The following KIAA1671 variants were observed in gnomAD, a reference collection of about 807,000 sequenced individuals.
KIAA1671 encodes the protein uncharacterized protein KIAA1671.
KIAA1671 carries 52 observed loss-of-function variants against 131.2 expected under a neutral mutation model. The observed-to-expected ratio is 0.40, with a 90% CI of 0.32 to 0.50. The LOEUF is 0.50. Among genes scored for constraint, KIAA1671 ranks in the 20% least tolerant of loss-of-function variants. The pLI is 0.73. For missense variants in KIAA1671, 2,360 were observed against 2,364.2 expected (o/e 1.00, Z 0.04); for synonymous variants, 1,003 against 961.6 (o/e 1.04, Z -0.80).
At chr22:24,992,329 G>A (rs566590194) in intron 1 of KIAA1671, among the ~76,000 whole-genome samples, 3 of 152,240 alleles carry the variant, frequency 2.0e-5, no homozygotes, top group East Asian at 1.9e-4. Flanking sequence ...GGGGGACAGG[G>A]TCTCAGATGG....
chr22:25,124,443 T>G (rs1341973397), intron 6 of KIAA1671, among the ~76,000 whole-genome samples: 6 of 152,246 alleles, frequency 3.9e-5, no homozygotes, highest in African/African-American at 1.4e-4. Context: ...TATCTTCTGC[T>G]GTTCTTTCTT....
At chr22:25,031,885 A>G (rs1926314126) in intron 3 of KIAA1671, among the ~76,000 whole-genome samples, 1 of 152,172 alleles carries the variant, frequency 6.6e-6, no homozygotes, top group African/African-American at 2.4e-5. Context: ...GTTGCTGAGT[A>G]TGGGTTAAGT....
Position 25,194,347 on chromosome 22 carries a change from A to G in KIAA1671, c.*1946A>G, listed in dbSNP as rs985638563. 3 of 152,276 alleles carry G rather than the reference A, an allele frequency of 2.0e-5. No homozygotes were observed. The highest frequency in any genetic ancestry group is 6.5e-5 in the Admixed American group (1 of 15,274). The allele number at this position is 152,276 out of a possible 1,614,324, so 9.4% of individuals were successfully genotyped here. A position where few individuals can be genotyped will look rare whatever the true frequency, so the allele number is the denominator to read the frequency against. On this transcript the variant is annotated 3_prime_UTR_variant, in exon 13 of 13. Transcript: ENST00000358431. The stretch of plus-strand genomic sequence containing the variant: ...CTCCTCAGCCTCCCAAAGTGCTCGG[A>G]TTACAGACATGAGCCACTGCACCTG...
chr22:25,096,959 C>T lies in KIAA1671; in HGVS notation c.4530+47595C>T, dbSNP rs573024222. Among the ~76,000 whole-genome samples, 12 of 152,306 alleles carry T rather than the reference C, an allele frequency of 7.9e-5. 1 individual carries two copies. Among genetic ancestry groups the T allele is most frequent in the Admixed American group, 5.9e-4 (9 of 15,294 alleles). ...GAGGCACATATCAATAACTCGTTCC[C>T]TTTATCAGAGCACTTTTCCATTGCA... On this transcript the variant is annotated intron_variant, in intron 6 of 12. Coordinates refer to ENST00000358431, the MANE Select transcript of KIAA1671 (RefSeq NM_001145206.2).
At chr22:24,981,843 G>A (rs1923251728) in intron 1 of KIAA1671, among the ~76,000 whole-genome samples, 1 of 152,208 alleles carries the variant, frequency 6.6e-6, no homozygotes, top group Non-Finnish European at 1.5e-5. Context: ...GGAGGTTGAA[G>A]CTGCAGCGAG....
intron 1 of KIAA1671, among the ~76,000 whole-genome samples, chr22:25,019,087 TG>T (rs1925513437): frequency 1.7e-4 from 26 of 151,120 alleles, no homozygotes; most frequent in African/African-American, 5.9e-4. Flanking sequence ...TGTGTGTGTG[TG>T]TGTGTTTTAA....
intron 1 of KIAA1671, among the ~76,000 whole-genome samples, chr22:24,983,298 G>A (rs866244080): frequency 1.3e-5 from 2 of 152,170 alleles, no homozygotes; most frequent in Non-Finnish European, 1.5e-5. Flanking sequence ...CTGCTTCAAA[G>A]GCTGTAAAAG....
At chr22:25,166,773 A>G (rs1221906592) in intron 6 of KIAA1671, among the ~76,000 whole-genome samples, 1 of 152,170 alleles carries the variant, frequency 6.6e-6, no homozygotes, top group African/African-American at 2.4e-5. Flanking sequence ...GGGTGGGGTC[A>G]CTTAGCCAGG....
chr22:25,052,741 G>C (rs2145824057), intron 6 of KIAA1671: 1 of 152,066 alleles, frequency 6.6e-6, no homozygotes, highest in African/African-American at 2.4e-5. Flanking sequence ...ATTTGAGATG[G>C]AGTCTCACTC....
At chr22:25,165,877 G>C (rs988045322) in intron 6 of KIAA1671, among the ~76,000 whole-genome samples, 1 of 152,074 alleles carries the variant, frequency 6.6e-6, no homozygotes, top group Non-Finnish European at 1.5e-5. Context: ...CAGTGGGAGG[G>C]ACTGGGGGGT....
chr22:25,098,096 A>C (rs1023207801), intron 6 of KIAA1671, among the ~76,000 whole-genome samples: 1 of 152,178 alleles, frequency 6.6e-6, no homozygotes, highest in Non-Finnish European at 1.5e-5. Context: ...GGGTTGTGAA[A>C]ATTGACACTT....
At chr22:25,093,746 C>CTCTG (rs1930180915) in intron 6 of KIAA1671, among the ~76,000 whole-genome samples, 2 of 121,344 alleles carry the variant, frequency 1.6e-5, no homozygotes, top group African/African-American at 6.9e-5. Flanking sequence ...CACTCTCTCT[C>CTCTG]TCTCTCTCTC....
At chr22:25,078,235 T>G (rs1036881932) in intron 6 of KIAA1671, among the ~76,000 whole-genome samples, 2 of 152,108 alleles carry the variant, frequency 1.3e-5, no homozygotes, top group African/African-American at 4.8e-5. Flanking sequence ...GCTTAATAGA[T>G]GTGGGCTGGC....
chr22:25,120,955 C>T (rs548047748), intron 6 of KIAA1671, among the ~76,000 whole-genome samples: 1 of 152,096 alleles, frequency 6.6e-6, no homozygotes, highest in African/African-American at 2.4e-5. Flanking sequence ...GAGAGGTCCC[C>T]GAGGTTTAAG....
chr22:25,093,833 TGTCTGTC>T lies in KIAA1671; in HGVS notation c.4530+44470_4530+44476del, dbSNP rs2145884412. Among the ~76,000 whole-genome samples, 2 of 71,252 alleles carry T rather than the reference TGTCTGTC, an allele frequency of 2.8e-5. 1 individual carries two copies. The highest frequency in any genetic ancestry group is 5.2e-5 in the Non-Finnish European group (2 of 38,256). The allele number at this position is 71,252 out of a possible 152,430, so 46.7% of individuals were successfully genotyped here. A position where few individuals can be genotyped will look rare whatever the true frequency, so the allele number is the denominator to read the frequency against. On this transcript the variant is annotated intron_variant, in intron 6 of 12. Transcript: ENST00000358431. ...CTCTGTCTCTCTCTCTTTCTCTCTC[TGTCTGTC>T]TCTCTCTCTCTCTCTCTCTCTCTCT...
chr22:25,018,625 A>G (rs1925477674), intron 1 of KIAA1671, among the ~76,000 whole-genome samples: 1 of 152,186 alleles, frequency 6.6e-6, no homozygotes, highest in Admixed American at 6.5e-5. Flanking sequence ...TGCCTATTCT[A>G]AACACCTCAT....
intron 6 of KIAA1671, among the ~76,000 whole-genome samples, chr22:25,117,682 G>T (rs73401804): frequency 6.7e-6 from 1 of 150,168 alleles, no homozygotes; most frequent in Non-Finnish European, 1.5e-5. Context: ...AGGAAAGGAT[G>T]TATAGAACTC....
At chr22:25,034,268 A>G (rs1380130336) in intron 4 of KIAA1671, among the ~76,000 whole-genome samples, 1 of 151,016 alleles carries the variant, frequency 6.6e-6, no homozygotes, top group Admixed American at 6.6e-5. Context: ...CTGGTCTTGC[A>G]CTCCTGACCT....
chr22:25,071,530 A>T (rs947578905), intron 6 of KIAA1671, among the ~76,000 whole-genome samples: 1 of 149,426 alleles, frequency 6.7e-6, no homozygotes, highest in African/African-American at 2.5e-5. Context: ...TGTTTTAATT[A>T]CAAAAATAAT....
Sources: gnomAD v4.1 joint callset for allele counts (sites outside exome capture counted in the v4.1 genomes callset) on GRCh38, gnomAD v4.1.1 for gene constraint, MANE v1.5 for transcripts, NCBI Gene and HGNC (gene_info 2026-07-23, HGNC 2026-07-21) for gene names.